Variants in ITFG1 observed in about 807,000 individuals in gnomAD.
ITFG1 encodes T-cell immunomodulatory protein.
In ITFG1, 34 loss-of-function variants were observed where a neutral mutation model predicts 81.8. The observed-to-expected ratio is 0.42, with a 90% CI of 0.32 to 0.55. ITFG1 has a LOEUF of 0.55. ITFG1 is among the 20% of genes least tolerant of loss of function. The pLI is 0.17. For synonymous variants in ITFG1, 285 were observed against 270.6 expected (o/e 1.05, Z -0.52); for missense variants, 672 against 755.4 (o/e 0.89, Z 1.29).
chr16:47,456,628 G>A (rs1487226002), intron 2 of ITFG1, among the ~76,000 whole-genome samples: 1 of 151,300 alleles, frequency 6.6e-6, no homozygotes, highest in Non-Finnish European at 1.5e-5. Flanking sequence ...GGAGGTGGAG[G>A]TTCCAGTGAG....
intron 14 of ITFG1, among the ~76,000 whole-genome samples, chr16:47,213,498 A>G (rs896351188): frequency 6.6e-6 from 1 of 152,072 alleles, no homozygotes; most frequent in Non-Finnish European, 1.5e-5. Flanking sequence ...AGAGAGAGAT[A>G]TTGAGGTCTC....
At chr16:47,190,364 AT>A (rs1965277485) in intron 14 of ITFG1, among the ~76,000 whole-genome samples, 1 of 152,222 alleles carries the variant, frequency 6.6e-6, no homozygotes, top group Admixed American at 6.5e-5. Context: ...TTTAAACGAA[AT>A]GTTTATTAGA....
rs549479036 is a variant in ITFG1, at chr16:47,340,997, C to A, written c.802+24791G>T. 4.6e-5 allele frequency among the ~76,000 whole-genome samples: 7 copies of A among 152,038 alleles called. No homozygotes were observed. The East Asian group carries it at 1.4e-3, about 29-fold the overall frequency. On this transcript the variant is annotated intron_variant, in intron 8 of 17. Transcript: ENST00000320640. ...GCTCAAAATGTAAGAAGCACATTCTCTAATCACAATGGAATGAAGCAAAAA... is the reference window on the plus strand; with the variant it reads ...GCTCAAAATGTAAGAAGCACATTCTATAATCACAATGGAATGAAGCAAAAA...
intron 10 of ITFG1, among the ~76,000 whole-genome samples, chr16:47,277,647 A>C (rs576514013): frequency 4.6e-5 from 7 of 152,228 alleles, no homozygotes; most frequent in African/African-American, 1.7e-4. Context: ...CCATTTCAAC[A>C]TGCAATATAG....
chr16:47,328,773 C>G (rs1967597452), intron 8 of ITFG1, among the ~76,000 whole-genome samples: 1 of 152,068 alleles, frequency 6.6e-6, no homozygotes, highest in African/African-American at 2.4e-5. Flanking sequence ...AGAGATCAAA[C>G]TTTTTTCCGT....
chr16:47,396,756 T>C (rs927472071), intron 6 of ITFG1, among the ~76,000 whole-genome samples: 2 of 152,110 alleles, frequency 1.3e-5, no homozygotes, highest in African/African-American at 4.8e-5. Context: ...CCAAAAAGCG[T>C]TGCAGGGAGG....
intron 6 of ITFG1, among the ~76,000 whole-genome samples, chr16:47,376,801 G>A (rs901518157): frequency 1.3e-5 from 2 of 151,606 alleles, no homozygotes; most frequent in South Asian, 4.2e-4. Context: ...AAACCCCATC[G>A]CTACTAAAAA....
In ITFG1 at chr16:47,392,258, C is replaced by A. The variant is rs575087511; in HGVS notation, c.656-16318G>T. Among the ~76,000 whole-genome samples the A allele has an allele frequency of 4.8e-4, 73 of 152,208 alleles. No homozygotes were observed. The South Asian group carries it at 0.015, about 30-fold the overall frequency. On this transcript the variant is annotated intron_variant, in intron 6 of 17. Transcript: ENST00000320640. ...AAAGAGACTCTGTCTCTACAAAAAA[C>A]CCTCAAAACGACGAACGCCCACAAA...
chr16:47,323,927 A>C (rs1464563564), intron 8 of ITFG1, among the ~76,000 whole-genome samples: 1 of 152,196 alleles, frequency 6.6e-6, no homozygotes, highest in African/African-American at 2.4e-5. Context: ...AATTCTTATG[A>C]TTAAACCCTA....
intron 10 of ITFG1, among the ~76,000 whole-genome samples, chr16:47,261,237 T>C (rs1966206286): frequency 6.6e-6 from 1 of 152,216 alleles, no homozygotes; most frequent in South Asian, 2.1e-4. Context: ...ATTTATGAGC[T>C]TAGATTCTGG....
At position 47,375,822 on chromosome 16, in the gene ITFG1, G is replaced by A. The variant is rs1968316381; in HGVS notation, c.720+54C>T. ...TTTTCATTTTATTTTCTAAAATTGT[G>A]TGCTTTTACTGAAAGCCATCATTTT... On this transcript the variant is annotated intron_variant, in intron 7 of 17. Coordinates refer to ENST00000320640, the MANE Select transcript of ITFG1 (RefSeq NM_030790.5). The A allele has an allele frequency of 3.9e-6, 4 of 1,028,612 alleles. No homozygotes were observed. In the Admixed American group the frequency reaches 5.2e-5, roughly 13 times the overall value. The allele number at this position is 1,028,612 out of a possible 1,614,324, so 63.7% of individuals were successfully genotyped here.
At chr16:47,190,115 T>C (rs1319962145) in intron 14 of ITFG1, among the ~76,000 whole-genome samples, 1 of 152,174 alleles carries the variant, frequency 6.6e-6, no homozygotes, top group Non-Finnish European at 1.5e-5. Flanking sequence ...GCTTGACTTA[T>C]GACTTAGTGC....
At chr16:47,438,687 G>A (rs138825517) in intron 5 of ITFG1, among the ~76,000 whole-genome samples, 2 of 152,108 alleles carry the variant, frequency 1.3e-5, no homozygotes, top group Non-Finnish European at 2.9e-5. Context: ...TCATCTATAC[G>A]TCACCATCAT....
intron 5 of ITFG1, among the ~76,000 whole-genome samples, chr16:47,442,801 G>A (rs903617674): frequency 7.2e-5 from 11 of 152,142 alleles, no homozygotes; most frequent in Non-Finnish European, 1.3e-4. Context: ...AAAAACCCTA[G>A]AAGAAAACCT....
intron 7 of ITFG1, among the ~76,000 whole-genome samples, chr16:47,373,696 C>A (rs1365385559): frequency 6.6e-6 from 1 of 152,184 alleles, no homozygotes; most frequent in African/African-American, 2.4e-5. Context: ...CAGGGTCATC[C>A]ACACTCACAT....
intron 10 of ITFG1, among the ~76,000 whole-genome samples, chr16:47,260,961 T>C (rs1291954027): frequency 6.6e-6 from 1 of 152,228 alleles, no homozygotes; most frequent in Non-Finnish European, 1.5e-5. Flanking sequence ...CCATCCCTTC[T>C]TCCTCATTTA....
At chr16:47,268,396 C>A (rs1019649699) in intron 10 of ITFG1, among the ~76,000 whole-genome samples, 2 of 152,066 alleles carry the variant, frequency 1.3e-5, no homozygotes, top group African/African-American at 2.4e-5. Flanking sequence ...AACTCCAGAC[C>A]GAAATGGCTT....
chr16:47,311,598 G>A (rs1367854350), intron 9 of ITFG1, among the ~76,000 whole-genome samples, 186 bp from the exon 10 acceptor site: 5 of 150,284 alleles, frequency 3.3e-5, no homozygotes, highest in Non-Finnish European at 7.4e-5. Flanking sequence ...AAAAAAAAAA[G>A]TACTTTCCCT....
intron 8 of ITFG1, among the ~76,000 whole-genome samples, chr16:47,360,082 C>T (rs1437981333): frequency 2.6e-5 from 4 of 152,040 alleles, no homozygotes; most frequent in Non-Finnish European, 5.9e-5. Context: ...AAAAATATTT[C>T]ATTATAAAAC....
Sources: allele counts gnomAD v4.1 joint callset (sites outside exome capture counted in the v4.1 genomes callset), GRCh38; gene constraint gnomAD v4.1.1; transcripts MANE v1.5; gene names NCBI Gene and HGNC (gene_info 2026-07-23, HGNC 2026-07-21).